Variants in EPC1 observed in about 807,000 individuals in gnomAD.
The protein encoded by EPC1 is enhancer of polycomb 1.
Under a neutral mutation model 98.4 loss-of-function variants are expected in EPC1, and 12 were observed. That is an observed-to-expected ratio of 0.12 (90% confidence interval 0.08 to 0.20). The LOEUF (loss-of-function observed/expected upper bound fraction) is 0.20. Among genes scored for constraint, EPC1 ranks in the 10% least tolerant of loss-of-function variants. The probability of loss-of-function intolerance (pLI) is 1.00; values close to 1 mark genes in which losing one functional copy is unlikely to be tolerated. For synonymous variants in EPC1, 357 were observed against 363.9 expected (o/e 0.98, Z 0.21); for missense variants, 729 against 990.5 (o/e 0.74, Z 3.54).
intron 2 of EPC1, among the ~76,000 whole-genome samples, chr10:32,296,092 T>G (rs1835141518): frequency 6.6e-6 from 1 of 151,632 alleles, no homozygotes; most frequent in African/African-American, 2.4e-5. Flanking sequence ...CCTGGCTAAT[T>G]TTCGTAGTTT....
chr10:32,344,997 C>T, intron 1 of EPC1: 1 of 327,000 alleles, frequency 3.1e-6, no homozygotes, highest in South Asian at 1.2e-4. Context: ...CCTTCCTTGG[C>T]TGCTGAACAA....
chr10:32,345,214 G>GTC, intron 1 of EPC1: 1 of 984,744 alleles, frequency 1.0e-6, no homozygotes, highest in Non-Finnish European at 1.2e-6. Flanking sequence ...AAATTAAGAG[G>GTC]TAGTGTCTCA....
rs770699512 is a variant in EPC1, at chr10:32,292,944, T to G, written c.666+44A>C. 2.4e-6 allele frequency: 3 copies of G among 1,260,796 alleles called. 1 individual carries two copies. The South Asian group carries it at 5.1e-5, about 21-fold the overall frequency. The allele number at this position is 1,260,796 out of a possible 1,614,324, so 78.1% of individuals were successfully genotyped here. Reference sequence around the variant, plus strand: ...TTGAGACAGTCATAACTATAAATAATTTTTATTATATAATTATCAAAAAAA... The same window carrying G: ...TTGAGACAGTCATAACTATAAATAAGTTTTATTATATAATTATCAAAAAAA... On this transcript the variant is annotated intron_variant, in intron 4 of 13. Transcript: ENST00000319778.
intron 1 of EPC1, among the ~76,000 whole-genome samples, chr10:32,310,955 G>A (rs1044427708): frequency 1.3e-5 from 2 of 152,122 alleles, no homozygotes; most frequent in African/African-American, 4.8e-5. Context: ...GGCATTTGGG[G>A]TGAAGTGTCA....
At chr10:32,313,296 T>C (rs575503102) in intron 1 of EPC1, among the ~76,000 whole-genome samples, 10 of 152,338 alleles carry the variant, frequency 6.6e-5, no homozygotes, top group Non-Finnish European at 1.3e-4. Context: ...TGTTCATTAA[T>C]TAACTTAGTC....
intron 2 of EPC1, among the ~76,000 whole-genome samples, chr10:32,299,589 C>T (rs1321590341): frequency 1.3e-5 from 2 of 151,870 alleles, no homozygotes; most frequent in South Asian, 2.1e-4. Flanking sequence ...GCACATTCCT[C>T]ACTCTGTGTT....
At chr10:32,360,747 A>G (rs1467804796) in intron 1 of EPC1, among the ~76,000 whole-genome samples, 1 of 152,122 alleles carries the variant, frequency 6.6e-6, no homozygotes, top group African/African-American at 2.4e-5. Context: ...TACGAAACTT[A>G]GCCAGGCGCA....
At chr10:32,346,736 G>A (rs772842668) in intron 1 of EPC1, 27 bp downstream of exon 1, 2 of 1,603,016 alleles carry the variant, frequency 1.2e-6, no homozygotes, top group Non-Finnish European at 1.7e-6. Flanking sequence ...GCCTGACGGT[G>A]GGTCGGACAG....
At chr10:32,333,374 G>C (rs1837757393) in intron 1 of EPC1, among the ~76,000 whole-genome samples, 1 of 152,196 alleles carries the variant, frequency 6.6e-6, no homozygotes, top group African/African-American at 2.4e-5. Flanking sequence ...CAAAAACCTG[G>C]AAATTTTATG....
intron 1 of EPC1, among the ~76,000 whole-genome samples, chr10:32,319,152 C>T (rs1325829183): frequency 6.6e-6 from 1 of 152,124 alleles, no homozygotes; most frequent in African/African-American, 2.4e-5. Context: ...AAGTCTTCCA[C>T]AATGATTATG....
chr10:32,309,890 T>C (rs1013813984), intron 1 of EPC1, among the ~76,000 whole-genome samples: 3 of 149,698 alleles, frequency 2.0e-5, no homozygotes, highest in African/African-American at 7.4e-5. Context: ...CAATATAGTA[T>C]AGTGGTTAAG....
intron 1 of EPC1, among the ~76,000 whole-genome samples, chr10:32,363,026 T>C (rs866789514): frequency 6.6e-6 from 1 of 151,202 alleles, no homozygotes; most frequent in Admixed American, 6.6e-5. Context: ...TTTACATCCA[T>C]AAAGGAAATC....
At chr10:32,356,712 C>T (rs1839288544) in intron 1 of EPC1, among the ~76,000 whole-genome samples, 1 of 152,148 alleles carries the variant, frequency 6.6e-6, no homozygotes, top group African/African-American at 2.4e-5. Context: ...CCGCCAGGCG[C>T]GGTGGCTCAC....
At chr10:32,301,228 A>T (rs1835520127) in intron 2 of EPC1, among the ~76,000 whole-genome samples, 1 of 152,212 alleles carries the variant, frequency 6.6e-6, no homozygotes, top group African/African-American at 2.4e-5. Flanking sequence ...CTAATAAAAC[A>T]TGTGCAGGAT....
At chr10:32,343,004 T>C (rs965576135) in intron 1 of EPC1, among the ~76,000 whole-genome samples, 4 of 152,216 alleles carry the variant, frequency 2.6e-5, no homozygotes, top group Admixed American at 6.5e-5. Flanking sequence ...GATAATTAAA[T>C]TATAATCTTA....
chr10:32,351,726 T>C (rs1369542204), upstream of EPC1, among the ~76,000 whole-genome samples: 1 of 151,694 alleles, frequency 6.6e-6, no homozygotes, highest in Non-Finnish European at 1.5e-5. Flanking sequence ...TGATTATTTA[T>C]TTATTTATTT....
chr10:32,272,910 G>A (rs1258204356), intron 11 of EPC1: 2 of 890,294 alleles, frequency 2.2e-6, no homozygotes, highest in African/African-American at 3.4e-5. Context: ...GTACATTAAT[G>A]GACTACAGGT....
At chr10:32,337,415 A>G (rs1220545301) in intron 1 of EPC1, among the ~76,000 whole-genome samples, 18 of 152,306 alleles carry the variant, frequency 1.2e-4, no homozygotes, top group Non-Finnish European at 1.5e-5. Context: ...TTTCAGCTAG[A>G]CACTCGAAGG....
chr10:32,347,127 G>A lies in EPC1; in HGVS notation c.-212C>T, dbSNP rs1433520680. ...TCGCTCGCTCTCTTCAATACGCCAT[G>A]GCCAACATGGCGGACATTAAAACTC... is the stretch of plus-strand genomic sequence containing the variant. On this transcript the variant is annotated 5_prime_UTR_variant, in exon 1 of 14. Transcript: ENST00000319778. 8.4e-6 allele frequency: 12 copies of A among 1,428,322 alleles called. No homozygotes were observed. The highest frequency in any genetic ancestry group is 1.1e-5 in the Non-Finnish European group (12 of 1,095,796). The allele number at this position is 1,428,322 out of a possible 1,614,324, so 88.5% of individuals were successfully genotyped here.
Sources: gnomAD v4.1 joint callset for allele counts (sites outside exome capture counted in the v4.1 genomes callset) on GRCh38, gnomAD v4.1.1 for gene constraint, MANE v1.5 for transcripts, NCBI Gene and HGNC (gene_info 2026-07-23, HGNC 2026-07-21) for gene names.